The following FSTL4 variants were observed in gnomAD, a reference collection of about 807,000 sequenced individuals.
The protein encoded by FSTL4 is follistatin like 4.
FSTL4 carries 28 observed loss-of-function variants against 78.2 expected under a neutral mutation model. The ratio of observed to expected loss-of-function variants is 0.36; its 90% CI spans 0.27 to 0.49. The LOEUF (loss-of-function observed/expected upper bound fraction) is 0.49. FSTL4 is among the 20% of genes least tolerant of loss of function. The pLI is 0.98. For synonymous variants in FSTL4, 422 were observed against 440.5 expected (o/e 0.96, Z 0.53); for missense variants, 922 against 1,084.9 (o/e 0.85, Z 2.11).
intron 4 of FSTL4, among the ~76,000 whole-genome samples, chr5:133,366,589 C>T (rs1365486600): frequency 6.6e-6 from 1 of 151,964 alleles, no homozygotes; most frequent in Admixed American, 6.5e-5. Flanking sequence ...CTTTCTTCTG[C>T]CTGCTTCCCC....
intron 2 of FSTL4, among the ~76,000 whole-genome samples, chr5:133,577,151 T>A (rs139823713): frequency 7.0e-4 from 107 of 152,256 alleles, no homozygotes; most frequent in African/African-American, 2.3e-3. Context: ...CATGTCTGGG[T>A]CTTCAAAGCC....
the FSTL4 span, among the ~76,000 whole-genome samples, chr5:133,785,945 G>A: frequency 6.6e-6 from 1 of 152,210 alleles, no homozygotes; most frequent in Non-Finnish European, 1.5e-5. Flanking sequence ...TTAGCCAGGA[G>A]GTAGGACAAG....
intron 6 of FSTL4, among the ~76,000 whole-genome samples, chr5:133,308,596 A>G: frequency 6.6e-6 from 1 of 152,366 alleles, no homozygotes; most frequent in South Asian, 2.1e-4. Context: ...AGGCACTATT[A>G]GTTCCAAAGG....
the FSTL4 span, among the ~76,000 whole-genome samples, chr5:133,712,707 G>A: frequency 2.6e-5 from 4 of 152,314 alleles, no homozygotes; most frequent in African/African-American, 7.2e-5. Context: ...CAGGTTGCTC[G>A]TGGATTTGTC....
At chr5:133,809,692 C>G in the FSTL4 span, among the ~76,000 whole-genome samples, 1 of 152,034 alleles carries the variant, frequency 6.6e-6, no homozygotes, top group East Asian at 1.9e-4. Flanking sequence ...TTCACAGAGA[C>G]AGAAGGAAGG....
intron 2 of FSTL4, among the ~76,000 whole-genome samples, chr5:133,593,743 A>G (rs535484985): frequency 1.3e-4 from 20 of 152,266 alleles, no homozygotes; most frequent in African/African-American, 4.6e-4. Flanking sequence ...TTCCTTCTTT[A>G]TTACTTAATA....
At chr5:133,247,815 C>G (rs1209697677) in intron 7 of FSTL4, 3 of 152,280 alleles carry the variant, frequency 2.0e-5, no homozygotes. Flanking sequence ...TGTGACAAGG[C>G]TAGGGGAAGG....
chr5:133,601,975 G>A (rs10056763), intron 2 of FSTL4, among the ~76,000 whole-genome samples: 1,753 of 151,974 alleles, frequency 0.012, 32 homozygotes, highest in African/African-American at 0.04. Context: ...GTGAGCCACC[G>A]TACCTGGAAG....
intron 3 of FSTL4, among the ~76,000 whole-genome samples, chr5:133,503,085 A>C (rs1192160062): frequency 6.6e-6 from 1 of 152,200 alleles, no homozygotes; most frequent in African/African-American, 2.4e-5. Context: ...TATCAATGTA[A>C]AGTCATTTGC....
At chr5:133,573,522 A>G (rs907037022) in intron 2 of FSTL4, among the ~76,000 whole-genome samples, 1 of 152,222 alleles carries the variant, frequency 6.6e-6, no homozygotes, top group Non-Finnish European at 1.5e-5. Context: ...ACAGGAATAT[A>G]TAGCAATTCT....
chr5:133,233,325 A>G, intron 8 of FSTL4, 92 bp downstream of exon 8: 1 of 1,384,776 alleles, frequency 7.2e-7, no homozygotes, highest in South Asian at 1.2e-5. Context: ...TATTTCTTTA[A>G]GAAGACAGAA....
intron 1 of FSTL4, among the ~76,000 whole-genome samples, chr5:133,608,611 T>C (rs1329607791): frequency 2.0e-5 from 3 of 152,256 alleles, no homozygotes; most frequent in Non-Finnish European, 4.4e-5. Context: ...AGGCAGATTT[T>C]GCTTTTCTCA....
chr5:133,716,896 T>G, the FSTL4 span, among the ~76,000 whole-genome samples: 1 of 152,258 alleles, frequency 6.6e-6, no homozygotes, highest in Non-Finnish European at 1.5e-5. Context: ...TGAATTGGAA[T>G]AATAGCCTCC....
intron 3 of FSTL4, among the ~76,000 whole-genome samples, chr5:133,424,552 C>T (rs556626214): frequency 7.8e-4 from 119 of 152,292 alleles, no homozygotes; most frequent in African/African-American, 2.9e-3. Flanking sequence ...CTACGACTTC[C>T]CTGGTTGTGC....
intron 2 of FSTL4, among the ~76,000 whole-genome samples, chr5:133,588,094 G>A (rs1349785546): frequency 9.6e-6 from 1 of 104,064 alleles, no homozygotes; most frequent in African/African-American, 3.0e-5. Context: ...GTAGAAAGCT[G>A]AAACTGGATC....
intron 4 of FSTL4, among the ~76,000 whole-genome samples, chr5:133,347,322 C>T (rs1006159756): frequency 2.0e-5 from 3 of 152,068 alleles, no homozygotes; most frequent in Admixed American, 6.5e-5. Context: ...TACAGGTGAC[C>T]CCACCCAATC....
chr5:133,553,116 G>A (rs1759721632), intron 3 of FSTL4, among the ~76,000 whole-genome samples: 1 of 152,116 alleles, frequency 6.6e-6, no homozygotes, highest in Non-Finnish European at 1.5e-5. Flanking sequence ...ACCTCCAGGG[G>A]GCGCGGGAGA....
At chr5:133,420,183 T>C (rs1018833305) in intron 3 of FSTL4, among the ~76,000 whole-genome samples, 10 of 152,192 alleles carry the variant, frequency 6.6e-5, no homozygotes, top group African/African-American at 1.9e-4. Flanking sequence ...TCCACTTACA[T>C]AAAATTCAAA....
intron 4 of FSTL4, among the ~76,000 whole-genome samples, chr5:133,329,206 A>G (rs1243278162): frequency 6.6e-6 from 1 of 152,156 alleles, no homozygotes; most frequent in Admixed American, 6.5e-5. Flanking sequence ...GCTGTCCCCA[A>G]GAGGCGTTTT....
Sources: gnomAD v4.1 joint callset for allele counts (sites outside exome capture counted in the v4.1 genomes callset) on GRCh38, gnomAD v4.1.1 for gene constraint, MANE v1.5 for transcripts, NCBI Gene and HGNC (gene_info 2026-07-23, HGNC 2026-07-21) for gene names.